PLXNB1: variants seen among roughly 807,000 people sequenced by gnomAD.
PLXNB1 encodes the protein plexin B1.
In PLXNB1, 106 loss-of-function variants were observed where a neutral mutation model predicts 209.4. The ratio of observed to expected loss-of-function variants is 0.51; its 90% CI spans 0.43 to 0.59. PLXNB1 has a LOEUF of 0.59. Ranked by LOEUF, PLXNB1 falls within the 20% of genes least tolerant of loss-of-function variation. The probability of loss-of-function intolerance (pLI) is 0.00; values close to 1 mark genes in which losing one functional copy is unlikely to be tolerated. For missense variants in PLXNB1, 2,357 were observed against 2,853.2 expected (o/e 0.83, Z 3.96); for synonymous variants, 1,167 against 1,183.2 (o/e 0.99, Z 0.28).
At position 48,405,513 on chromosome 3, in the gene PLXNB1, G is replaced by A. The variant is rs574094353; in HGVS notation, c.6303+211C>T. 3.3e-5 allele frequency among the ~76,000 whole-genome samples: 5 copies of A among 152,300 alleles called. No homozygotes were observed. The highest frequency in any genetic ancestry group is 3.3e-4 in the Admixed American group (5 of 15,302). On this transcript the variant is annotated intron_variant, in intron 37 of 37. Coordinates refer to ENST00000296440, the MANE Select transcript of PLXNB1 (RefSeq NM_001130082.3). The surrounding 1 kb of genome is among the most constrained non-coding windows in gnomAD (Gnocchi z 5.0). ...TGCCTCGCCGTCCTGCTGGGGAGCT[G>A]GAATGGGGAGCAGTGGGACAGGTGA... is the stretch of plus-strand genomic sequence containing the variant.
At position 48,417,430 on chromosome 3, in the gene PLXNB1, G is replaced by T. The variant is rs1030877468; in HGVS notation, c.3374+481C>A. Among the ~76,000 whole-genome samples the T allele has an allele frequency of 6.6e-5, 10 of 152,192 alleles. No individual in the cohort carries two copies. The highest frequency in any genetic ancestry group is 1.5e-4 in the Non-Finnish European group (10 of 68,032). On this transcript the variant is annotated intron_variant, in intron 16 of 37. Transcript: ENST00000296440. The surrounding 1 kb of genome is among the most constrained non-coding windows in gnomAD (Gnocchi z 4.4). Reference sequence around the variant, plus strand: ...CCAGGAGCCCCAGGAAGGCAGCAGGGGTCCCTAGAGACGACAGTGGAGCCT... The same window carrying T: ...CCAGGAGCCCCAGGAAGGCAGCAGGTGTCCCTAGAGACGACAGTGGAGCCT...
chr3:48,429,693 G>C lies in PLXNB1; in HGVS notation c.-60+315C>G, dbSNP rs996353198. Among the ~76,000 whole-genome samples the C allele has an allele frequency of 1.3e-5, 2 of 151,964 alleles. No homozygotes were observed. Among genetic ancestry groups the C allele is most frequent in the African/African-American group, 4.8e-5 (2 of 41,376 alleles). ...GGCGGTCGCCATGGCAACGCGGGTC[G>C]CCCGGAGGGGTGAGGAGTGAACCCC... On this transcript the variant is annotated intron_variant, in intron 1 of 37. Transcript: ENST00000296440. The surrounding 1 kb of genome is among the most constrained non-coding windows in gnomAD (Gnocchi z 6.4).
At chr3:48,423,162 C>T (rs2038645723) in intron 3 of PLXNB1, among the ~76,000 whole-genome samples, 1 of 152,052 alleles carries the variant, frequency 6.6e-6, no homozygotes, top group African/African-American at 2.4e-5. Flanking sequence ...TCAATCCCGA[C>T]CTCACCTTCC....
rs1224067185 is a variant in PLXNB1, at chr3:48,412,905, G to A, written c.4691C>T (p.Pro1564Leu). The change falls in exon 25 of 38, where the codon CCC becomes CTC. Residue 1564 changes from proline to leucine, a missense_variant. Pro to Leu is a moderately conservative substitution (Grantham distance 98). Coordinates refer to ENST00000296440, the MANE Select transcript of PLXNB1 (RefSeq NM_001130082.3). ...CGCATACACCTTGTAGTCGAGGAAG[G>A]GGATGCCGCTGCCCAGGAGGTCACT... ...LTSDLLGSGI[P>L]FLDYKVYAER... is the part of the protein sequence containing the mutation. The A allele has an allele frequency of 6.2e-7, 1 of 1,614,104 alleles. No individual in the cohort carries two copies. Among genetic ancestry groups the A allele is most frequent in the Non-Finnish European group, 8.5e-7 (1 of 1,180,034 alleles).
rs1388086360 is a variant in PLXNB1, at chr3:48,422,112, G to A, written c.1513C>T (p.Leu505Phe). The change falls in exon 6 of 38, where the codon CTT (leucine) becomes TTT (phenylalanine). Residue 505 changes from leucine (L) to phenylalanine (F), a missense_variant. Coordinates refer to ENST00000296440, the MANE Select transcript of PLXNB1 (RefSeq NM_001130082.3). ...RDPYCGWCVL[L>F]GRCSRRSECS... ...TGGGGTCAGAAATCTGACCTGCCAA[G>A]GAGCACGCACCACCCACAGTATGGG... 6.2e-7 allele frequency: 1 copy of A among 1,613,558 alleles called. No homozygotes were observed.
In PLXNB1 at chr3:48,424,214, C is replaced by T. The variant is rs760971221; in HGVS notation, c.398G>A (p.Arg133Gln). The stretch of plus-strand genomic sequence containing the variant: ...TTGTGTGTCCCCAGGCCGCTCTGGC[C>T]GCAGCAGCAGCTGCTCGAGCTGCCC... ...RLGQLEQLLL[R>Q]PERPGDTQYV... The change falls in exon 3 of 38, where the codon CGG becomes CAG. Residue 133 changes from arginine (R) to glutamine (Q), a missense_variant. Physicochemically the swap from Arg to Gln is conservative, Grantham distance 43 (BLOSUM62 1). Coordinates refer to ENST00000296440, the MANE Select transcript of PLXNB1 (RefSeq NM_001130082.3). 29 of 1,599,868 alleles carry T rather than the reference C, an allele frequency of 1.8e-5. No homozygotes were observed. The highest frequency in any genetic ancestry group is 1.4e-4 in the East Asian group (6 of 44,440).
At chr3:48,407,732 C>T (rs150361990) in intron 34 of PLXNB1, among the ~76,000 whole-genome samples, 70 of 152,346 alleles carry the variant, frequency 4.6e-4, no homozygotes, top group African/African-American at 1.5e-3. Flanking sequence ...AGTCAGGATT[C>T]GCGCCTTCTT....
At chr3:48,404,612 TCAGG>T (rs746269505) in intron 37 of PLXNB1, 22 bp from the exon 38 acceptor site, 69 of 1,535,408 alleles carry the variant, frequency 4.5e-5, no homozygotes, top group Non-Finnish European at 6.1e-5. Flanking sequence ...ACCAATGCCA[TCAGG>T]GGAGACTTCT....
chr3:48,415,823 C>T lies in PLXNB1; in HGVS notation c.3618-64G>A. The T allele has an allele frequency of 6.8e-7, 1 of 1,467,432 alleles. No homozygotes were observed. Among genetic ancestry groups the T allele is most frequent in the Non-Finnish European group, 9.2e-7 (1 of 1,088,104 alleles). The allele number at this position is 1,467,432 out of a possible 1,614,324, so 90.9% of individuals were successfully genotyped here. A position where few individuals can be genotyped will look rare whatever the true frequency, so the allele number is the denominator to read the frequency against. On this transcript the variant is annotated intron_variant, in intron 18 of 37. Coordinates refer to ENST00000296440, the MANE Select transcript of PLXNB1 (RefSeq NM_001130082.3). The surrounding 1 kb of genome is among the most constrained non-coding windows in gnomAD (Gnocchi z 5.0). Reference sequence around the variant, plus strand: ...AGGGAAAACTTGGACCACTCAGGCCCCAACTGGCTTCCCTCAAGCGCTGAC... The same window carrying T: ...AGGGAAAACTTGGACCACTCAGGCCTCAACTGGCTTCCCTCAAGCGCTGAC...
Position 48,405,832 on chromosome 3 carries a change from C to T in PLXNB1, c.6229-34G>A, listed in dbSNP as rs776415647. ...GAGGCCAAATGAAAGGTGAGAGAGACGAGGGGTGCAGAGAGCCACAGGAGG... is the reference window on the plus strand; with the variant it reads ...GAGGCCAAATGAAAGGTGAGAGAGATGAGGGGTGCAGAGAGCCACAGGAGG... On this transcript the variant is annotated intron_variant, in intron 36 of 37. Coordinates refer to ENST00000296440, the MANE Select transcript of PLXNB1 (RefSeq NM_001130082.3). The surrounding 1 kb of genome is among the most constrained non-coding windows in gnomAD (Gnocchi z 5.0). 9 of 1,583,940 alleles carry T rather than the reference C, an allele frequency of 5.7e-6. No homozygotes were observed. Among genetic ancestry groups the T allele is most frequent in the East Asian group, 4.5e-5 (2 of 44,676 alleles).
rs1164657439 is a variant in PLXNB1 at position 48,407,251 on chromosome 3, G to A, written c.6088-160C>T. Reference sequence around the variant, plus strand: ...TGAGTCCCGGAAAACCAGGACAGGTGGTCACCCTCGCCTACTTCCTTCCGC... The same window carrying A: ...TGAGTCCCGGAAAACCAGGACAGGTAGTCACCCTCGCCTACTTCCTTCCGC... On this transcript the variant is annotated intron_variant, in intron 34 of 37. Transcript: ENST00000296440. Among the ~76,000 whole-genome samples, 3 of 152,038 alleles carry A rather than the reference G, an allele frequency of 2.0e-5. No homozygotes were observed. In the East Asian group the frequency reaches 5.8e-4, roughly 29 times the overall value.
chr3:48,419,247 GA>G lies in PLXNB1; in HGVS notation c.2828del (p.Phe943SerfsTer11). 1.3e-6 allele frequency: 2 copies of G among 1,572,770 alleles called. No homozygotes were observed. The highest frequency in any genetic ancestry group is 2.3e-5 in the East Asian group (1 of 44,368). Reference sequence around the variant, plus strand: ...GCGGCAGGCAGGACACACTGACCTGGAAAAGGTGCAGGTTCCTGCCTAGCAG... The same window carrying G: ...GCGGCAGGCAGGACACACTGACCTGGAAAGGTGCAGGTTCCTGCCTAGCAG... ...IRLLGRNLHL[F>X]QDGPGDNECV... On this transcript the variant is annotated frameshift_variant, in exon 12 of 38. Transcript: ENST00000296440. LOFTEE classifies it high-confidence loss of function. This position sits in a 1 kb window ranked among gnomAD's most constrained non-coding sequence, Gnocchi z 5.7.
Position 48,424,533 on chromosome 3 carries a change from C to T in PLXNB1, c.79G>A (p.Ala27Thr), listed in dbSNP as rs530386453. The T allele has an allele frequency of 8.8e-6, 14 of 1,590,414 alleles. No homozygotes were observed. In the South Asian group the frequency reaches 1.5e-4, roughly 17 times the overall value. ...VLTLQPLPPT[A>T]FTPNGTYLQH... ...AGATACGTGCCATTGGGAGTGAATG[C>T]AGTTGGTGGAAGGGGCTGGAGGGTG... Residue 27 changes from alanine to threonine, a missense_variant, in exon 3 of 38, where the codon GCA becomes ACA. By Grantham distance (58) the Ala-to-Thr change is moderately conservative. Around this residue, in one of 7 missense-constraint regions of PLXNB1, gnomAD observed 107 missense variants for 167.2 expected, o/e 0.64. Transcript: ENST00000296440.
At position 48,417,141 on chromosome 3, in the gene PLXNB1, CTAGA is replaced by C. The variant is rs1222547480; in HGVS notation, c.3375-694_3375-691del. On this transcript the variant is annotated intron_variant, in intron 16 of 37. Transcript: ENST00000296440. The surrounding 1 kb of genome is among the most constrained non-coding windows in gnomAD (Gnocchi z 4.4). ...TCTTATGGTCTGGAACACTAACAGTCTAGATAGTCACCGTAAGTTCTCGGTCATA... is the reference window on the plus strand; with the variant it reads ...TCTTATGGTCTGGAACACTAACAGTCTAGTCACCGTAAGTTCTCGGTCATA... Among the ~76,000 whole-genome samples the C allele has an allele frequency of 6.6e-6, 1 of 152,126 alleles. No homozygotes were observed. Among genetic ancestry groups the C allele is most frequent in the African/African-American group, 2.4e-5 (1 of 41,370 alleles).
rs758054398 is a variant in PLXNB1 at position 48,409,493 on chromosome 3, C to T, written c.5940-17G>A. On this transcript the variant is annotated splice_polypyrimidine_tract_variant and intron_variant, in intron 33 of 37. Coordinates refer to ENST00000296440, the MANE Select transcript of PLXNB1 (RefSeq NM_001130082.3). This position sits in a 1 kb window ranked among gnomAD's most constrained non-coding sequence, Gnocchi z 5.8. ...AGAGGCAAGCTGCGGGTGGGGCAGG[C>T]ATGGCCGATGAATGTGCTGGGGAGG... The T allele has an allele frequency of 6.2e-7, 1 of 1,614,098 alleles. No homozygotes were observed. The highest frequency in any genetic ancestry group is 1.1e-5 in the South Asian group (1 of 91,082).
At position 48,419,099 on chromosome 3, in the gene PLXNB1, A is replaced by G. The variant is rs976281292; in HGVS notation, c.2833-60T>C. The G allele has an allele frequency of 6.2e-7, 1 of 1,600,250 alleles. No homozygotes were observed. Among genetic ancestry groups the G allele is most frequent in the African/African-American group, 1.3e-5 (1 of 74,722 alleles). On this transcript the variant is annotated intron_variant, in intron 12 of 37. Coordinates refer to ENST00000296440, the MANE Select transcript of PLXNB1 (RefSeq NM_001130082.3). This position sits in a 1 kb window ranked among gnomAD's most constrained non-coding sequence, Gnocchi z 5.7. ...AGGAGCTGGGCCCAGGGAGTCCTGC[A>G]GGTCACCCAACAGATCCCCCAGCAC...
In PLXNB1 at chr3:48,410,434, T is replaced by C. The variant is rs1343522187; in HGVS notation, c.5520+21A>G. ...CCAGTCCCACCCCACCATGCCCTCCTCCAGCTCCCACTCCTCCTACCTTGT... is the reference window on the plus strand; with the variant it reads ...CCAGTCCCACCCCACCATGCCCTCCCCCAGCTCCCACTCCTCCTACCTTGT... On this transcript the variant is annotated intron_variant, in intron 30 of 37. Coordinates refer to ENST00000296440, the MANE Select transcript of PLXNB1 (RefSeq NM_001130082.3). This position sits in a 1 kb window ranked among gnomAD's most constrained non-coding sequence, Gnocchi z 6.4. 3.1e-6 allele frequency: 5 copies of C among 1,612,214 alleles called. No homozygotes were observed. The highest frequency in any genetic ancestry group is 4.2e-6 in the Non-Finnish European group (5 of 1,178,372).
intron 26 of PLXNB1, 58 bp downstream of exon 26, chr3:48,412,384 A>G (rs1575385563): frequency 6.2e-7 from 1 of 1,610,700 alleles, no homozygotes; most frequent in Middle Eastern, 1.7e-4. Flanking sequence ...CCCCAGCCCG[A>G]GGCCCCACCC....
Position 48,419,738 on chromosome 3 carries a change from G to A in PLXNB1, c.2548C>T (p.Pro850Ser), listed in dbSNP as rs767118820. The A allele has an allele frequency of 1.9e-6, 3 of 1,610,322 alleles. No individual in the cohort carries two copies. The highest frequency in any genetic ancestry group is 2.5e-6 in the Non-Finnish European group (3 of 1,179,124). ...DWLTREGGEL[P>S]EADEWTGGDA... ...CCCCCCGTCCACTCGTCCGCCTCGG[G>A]CAGCTCGCCGCCTTCTCTCGTGAGC... Residue 850 changes from proline to serine, a missense_variant, in exon 11 of 38, where the codon CCC (proline) becomes TCC (serine). Pro to Ser is a moderately conservative substitution (Grantham distance 74). Transcript: ENST00000296440. The surrounding 1 kb of genome is among the most constrained non-coding windows in gnomAD (Gnocchi z 5.7).
Sources: allele counts gnomAD v4.1 joint callset (sites outside exome capture counted in the v4.1 genomes callset), GRCh38; gene constraint gnomAD v4.1.1; regional missense constraint gnomAD v4.1.1; non-coding constraint Gnocchi (gnomAD v3.1); transcripts MANE v1.5; gene names NCBI Gene and HGNC (gene_info 2026-07-23, HGNC 2026-07-21).